The following LGR5 variants were observed in gnomAD, a reference collection of about 807,000 sequenced individuals.
LGR5 encodes leucine-rich repeat-containing G protein-coupled receptor 5.
A neutral mutation model predicts 76.7 loss-of-function variants in LGR5; 54 were observed. The observed-to-expected ratio is 0.70, with a 90% CI of 0.57 to 0.88. The LOEUF is 0.88. LGR5 is among the 40% of genes least tolerant of loss of function. LGR5 has a pLI of 0.00. For synonymous variants in LGR5, 406 were observed against 421.9 expected, an observed-to-expected ratio of 0.96 and a Z score of 0.46; for missense variants, 1,078 against 1,073.3, an observed-to-expected ratio of 1.00 and a Z score of -0.06.
At chr12:71,549,821 G>T (rs1272227077) in intron 4 of LGR5, among the ~76,000 whole-genome samples, 2 of 152,166 alleles carry the variant, frequency 1.3e-5, no homozygotes, top group Non-Finnish European at 2.9e-5. Context: ...CATTAAATCT[G>T]GGAATATTAG....
chr12:71,547,218 G>A (rs750247362), intron 4 of LGR5, among the ~76,000 whole-genome samples: 5 of 152,066 alleles, frequency 3.3e-5, no homozygotes, highest in Non-Finnish European at 7.3e-5. Context: ...TTAGCCTTTT[G>A]GACACCAACT....
chr12:71,524,745 A>C (rs748863585), intron 3 of LGR5, among the ~76,000 whole-genome samples: 24 of 152,182 alleles, frequency 1.6e-4, no homozygotes, highest in Non-Finnish European at 2.9e-4. Flanking sequence ...CTTTTAAAAG[A>C]GTATTTCCCT....
At chr12:71,456,282 T>C (rs2137218733) in intron 1 of LGR5, among the ~76,000 whole-genome samples, 1 of 152,222 alleles carries the variant, frequency 6.6e-6, no homozygotes, top group East Asian at 1.9e-4. Flanking sequence ...GATCAAAGGG[T>C]CTTAAGTACA....
intron 1 of LGR5, among the ~76,000 whole-genome samples, chr12:71,468,244 G>C (rs1872939029): frequency 6.6e-6 from 1 of 152,196 alleles, no homozygotes; most frequent in African/African-American, 2.4e-5. Flanking sequence ...AAAGTTGTCA[G>C]TCTGAGTCTC....
intron 1 of LGR5, among the ~76,000 whole-genome samples, chr12:71,497,304 A>G: frequency 2.0e-5 from 3 of 151,704 alleles, no homozygotes; most frequent in Non-Finnish European, 4.4e-5. Context: ...GACAGAGTGA[A>G]ACCTTAGTTG....
At chr12:71,489,283 T>C (rs1873962591) in intron 1 of LGR5, among the ~76,000 whole-genome samples, 2 of 152,206 alleles carry the variant, frequency 1.3e-5, no homozygotes, top group African/African-American at 4.8e-5. Context: ...ATTTTATCCA[T>C]ACAATGATGA....
At chr12:71,562,251 G>T (rs542032842) in intron 8 of LGR5, among the ~76,000 whole-genome samples, 2 of 152,256 alleles carry the variant, frequency 1.3e-5, no homozygotes, top group African/African-American at 4.8e-5. Flanking sequence ...TACAGCAATA[G>T]ACTCCAGCCT....
At chr12:71,462,977 G>T (rs1019660451) in intron 1 of LGR5, among the ~76,000 whole-genome samples, 1 of 152,126 alleles carries the variant, frequency 6.6e-6, no homozygotes, top group Non-Finnish European at 1.5e-5. Flanking sequence ...AATATTAATT[G>T]TGTCGCTAAC....
At chr12:71,495,005 T>C (rs1010022936) in intron 1 of LGR5, among the ~76,000 whole-genome samples, 7 of 151,060 alleles carry the variant, frequency 4.6e-5, no homozygotes, top group African/African-American at 1.7e-4. Flanking sequence ...GTGAGCTCCA[T>C]GGACTCAGCA....
intron 3 of LGR5, among the ~76,000 whole-genome samples, chr12:71,532,636 ATATTT>A (rs67213893): frequency 0.094 from 14,314 of 152,202 alleles, 707 homozygotes; most frequent in Non-Finnish European, 0.11. Flanking sequence ...AAATACTTTC[ATATTT>A]TAATCCTCCA....
At chr12:71,576,380 C>T (rs1355099937) in intron 13 of LGR5, among the ~76,000 whole-genome samples, 2 of 152,162 alleles carry the variant, frequency 1.3e-5, no homozygotes, top group East Asian at 3.9e-4. Context: ...ATGATGTTTC[C>T]AGGACAAAGA....
At chr12:71,569,322 A>G (rs1301837143) in intron 11 of LGR5, among the ~76,000 whole-genome samples, 1 of 152,250 alleles carries the variant, frequency 6.6e-6, no homozygotes, top group African/African-American at 2.4e-5. Context: ...ATCTAATTAA[A>G]CTAAAGAGCT....
At chr12:71,556,575 C>A in intron 5 of LGR5, 44 bp from the exon 6 acceptor site, 1 of 1,183,006 alleles carries the variant, frequency 8.5e-7, no homozygotes, top group South Asian at 1.2e-5. Context: ...TAAGTGTGGT[C>A]TGTGCAGTGT....
At chr12:71,475,701 C>T (rs974381944) in intron 1 of LGR5, among the ~76,000 whole-genome samples, 1 of 152,154 alleles carries the variant, frequency 6.6e-6, no homozygotes, top group African/African-American at 2.4e-5. Flanking sequence ...AGTGTCAGGG[C>T]CTCTTGGAAC....
At chr12:71,540,998 G>A (rs1447640326) in intron 4 of LGR5, among the ~76,000 whole-genome samples, 1 of 152,146 alleles carries the variant, frequency 6.6e-6, no homozygotes, top group African/African-American at 2.4e-5. Context: ...AAAAGTGCCA[G>A]GGTATTAGGT....
chr12:71,506,640 C>T (rs1316169380), intron 2 of LGR5, among the ~76,000 whole-genome samples: 1 of 152,122 alleles, frequency 6.6e-6, no homozygotes, highest in Non-Finnish European at 1.5e-5. Flanking sequence ...ATAGAGGAGA[C>T]CCTTTAAAGA....
chr12:71,568,520 C>T (rs907213631), intron 11 of LGR5, among the ~76,000 whole-genome samples: 2 of 152,172 alleles, frequency 1.3e-5, no homozygotes, highest in African/African-American at 4.8e-5. Flanking sequence ...TGAGTTGGAA[C>T]TTGAAAAGCC....
In LGR5 at chr12:71,524,424, T is replaced by G. The variant is rs775006454; in HGVS notation, c.303T>G (p.Ala101=). ...FLEELRLAGN[A]LTYIPKGAFT... ...CCCACAGACGTCTTGCGGGAAACGC[T>G]CTGACATACATTCCCAAGGGAGCAT... The change falls in exon 3 of 18, where the codon GCT becomes GCG. Residue 101 remains alanine (A), a synonymous_variant. Transcript: ENST00000266674. The G allele has an allele frequency of 1.2e-6, 2 of 1,613,238 alleles. No homozygotes were observed. Among genetic ancestry groups the G allele is most frequent in the Non-Finnish European group, 1.7e-6 (2 of 1,179,396 alleles).
At chr12:71,529,287 G>A (rs746127998) in intron 3 of LGR5, among the ~76,000 whole-genome samples, 1 of 152,168 alleles carries the variant, frequency 6.6e-6, no homozygotes, top group Non-Finnish European at 1.5e-5. Context: ...TGGCTGGGGA[G>A]GCCTCGGGAA....
Sources: gnomAD v4.1 joint callset for allele counts (sites outside exome capture counted in the v4.1 genomes callset) on GRCh38, gnomAD v4.1.1 for gene constraint, MANE v1.5 for transcripts, NCBI Gene and HGNC (gene_info 2026-07-23, HGNC 2026-07-21) for gene names.